NFX1: variants seen among roughly 807,000 people sequenced by gnomAD.
NFX1 encodes transcriptional repressor NF-X1.
NFX1 carries 69 observed loss-of-function variants against 137.2 expected under a neutral mutation model. The ratio of observed to expected loss-of-function variants is 0.50; its 90% CI spans 0.41 to 0.61. The LOEUF (loss-of-function observed/expected upper bound fraction) is 0.61, where lower values mean the gene tolerates loss of function less well. NFX1 is among the 20% of genes least tolerant of loss of function. The pLI, the probability that NFX1 is intolerant of heterozygous loss-of-function variation, is 0.00. For synonymous variants in NFX1, 495 were observed against 474.1 expected, an observed-to-expected ratio of 1.04 and a Z score of -0.57; for missense variants, 1,167 against 1,391.0, an observed-to-expected ratio of 0.84 and a Z score of 2.56.
At chr9:33,344,711 C>T (rs922715741) in intron 14 of NFX1, among the ~76,000 whole-genome samples, 3 of 151,736 alleles carry the variant, frequency 2.0e-5, no homozygotes, top group African/African-American at 4.8e-5. Flanking sequence ...ACTAAAAATA[C>T]AAAAATTAGC....
chr9:33,329,520 G>A (rs908071397), intron 10 of NFX1, among the ~76,000 whole-genome samples: 2 of 152,148 alleles, frequency 1.3e-5, no homozygotes, highest in African/African-American at 4.8e-5. Flanking sequence ...ACTAGGCTTA[G>A]AGATTACCTC....
intron 19 of NFX1, among the ~76,000 whole-genome samples, chr9:33,358,694 ACT>A (rs1178588766): frequency 9.7e-6 from 1 of 102,650 alleles, no homozygotes; most frequent in Non-Finnish European, 1.8e-5. Flanking sequence ...ACAGAGTCTC[ACT>A]CTGTCTCCCA....
chr9:33,352,627 C>T lies in NFX1; in HGVS notation c.2656-19C>T, dbSNP rs780620519. 35 of 1,611,936 alleles carry T rather than the reference C, an allele frequency of 2.2e-5. No individual in the cohort carries two copies. Among genetic ancestry groups the T allele is most frequent in the Non-Finnish European group, 2.5e-5 (30 of 1,178,140 alleles). ...AGTTCCAGTGTGCTAAAAGTCGTTC[C>T]ATGTTCATCTGACTTCAGGTAGAGC... On this transcript the variant is annotated intron_variant, in intron 16 of 23. Transcript: ENST00000379540.
chr9:33,347,200 G>A, intron 15 of NFX1, 83 bp downstream of exon 15: 1 of 1,085,864 alleles, frequency 9.2e-7, no homozygotes, highest in Non-Finnish European at 1.4e-6. Context: ...CTCATCGTCT[G>A]TCAAAGTAAA....
In NFX1 at chr9:33,370,103, G is replaced by T; in HGVS notation, c.*125G>T. ...ACAGTCTCACATACTGTCTTGTACT[G>T]ACACATCCAAAGCATGAGTGTGTCA... On this transcript the variant is annotated 3_prime_UTR_variant, in exon 24 of 24. Transcript: ENST00000379540. The T allele has an allele frequency of 1.5e-6, 1 of 676,138 alleles. No individual in the cohort carries two copies. The highest frequency in any genetic ancestry group is 2.5e-6 in the Non-Finnish European group (1 of 393,244). The allele number at this position is 676,138 out of a possible 1,614,324, so 41.9% of individuals were successfully genotyped here. A position where few individuals can be genotyped will look rare whatever the true frequency, so the allele number is the denominator to read the frequency against.
At chr9:33,336,250 C>T (rs928733861) in intron 11 of NFX1, among the ~76,000 whole-genome samples, 6 of 152,096 alleles carry the variant, frequency 3.9e-5, no homozygotes, top group African/African-American at 1.4e-4. Flanking sequence ...GAGTCCCACT[C>T]TGTTGCCCAG....
intron 12 of NFX1, among the ~76,000 whole-genome samples, chr9:33,340,216 A>T (rs748704744): frequency 6.6e-6 from 1 of 152,188 alleles, no homozygotes; most frequent in African/African-American, 2.4e-5. Flanking sequence ...AGGCATTTCC[A>T]TACATCTTTT....
intron 9 of NFX1, among the ~76,000 whole-genome samples, chr9:33,322,246 C>T (rs898239462): frequency 6.6e-6 from 1 of 151,596 alleles, no homozygotes; most frequent in Non-Finnish European, 1.5e-5. Context: ...AAGAGCATAC[C>T]TCAAATGAAG....
intron 19 of NFX1, among the ~76,000 whole-genome samples, chr9:33,360,365 A>C (rs1587878382): frequency 6.6e-6 from 1 of 152,332 alleles, no homozygotes; most frequent in South Asian, 2.1e-4. Flanking sequence ...TTTACCTTCC[A>C]GAGTTGTTGT....
intron 15 of NFX1, among the ~76,000 whole-genome samples, chr9:33,351,142 G>A (rs148661958): frequency 1.3e-5 from 2 of 149,662 alleles, no homozygotes; most frequent in East Asian, 4.0e-4. Flanking sequence ...GTGAGACTTC[G>A]TCTCAAAATA....
intron 12 of NFX1, among the ~76,000 whole-genome samples, 194 bp from the exon 13 acceptor site, chr9:33,342,552 T>C (rs1346540921): frequency 1.3e-5 from 2 of 152,250 alleles, no homozygotes; most frequent in African/African-American, 2.4e-5. Context: ...AGTTTCAGTA[T>C]TGATCACCTC....
At position 33,367,508 on chromosome 9, in the gene NFX1, T is replaced by C. The variant is rs1412921817; in HGVS notation, c.3186-7T>C. The C allele has an allele frequency of 1.2e-6, 2 of 1,613,496 alleles. No individual in the cohort carries two copies. Among genetic ancestry groups the C allele is most frequent in the Non-Finnish European group, 1.7e-6 (2 of 1,179,562 alleles). ...TTTTCAATGCTTGGTGTTTTGACTT[T>C]TATCAGGGGGAAGTCCGTTTGTCCT... On this transcript the variant is annotated splice_region_variant and splice_polypyrimidine_tract_variant and intron_variant, in intron 22 of 23. Coordinates refer to ENST00000379540, the MANE Select transcript of NFX1 (RefSeq NM_002504.6).
At chr9:33,306,691 T>G (rs145299899) in intron 4 of NFX1, among the ~76,000 whole-genome samples, 1 of 152,164 alleles carries the variant, frequency 6.6e-6, no homozygotes, top group Non-Finnish European at 1.5e-5. Flanking sequence ...GCAGTGACAT[T>G]GATTATAAAA....
intron 11 of NFX1, 111 bp from the exon 12 acceptor site, chr9:33,338,399 A>ATTGTAT (rs1823092250): frequency 4.1e-6 from 4 of 966,830 alleles, no homozygotes; most frequent in Non-Finnish European, 1.6e-6. Flanking sequence ...CATTATTACA[A>ATTGTAT]TTGTATTATT....
Position 33,367,606 on chromosome 9 carries a change from C to T in NFX1, c.3277C>T (p.His1093Tyr). 6.2e-7 allele frequency: 1 copy of T among 1,613,772 alleles called. No homozygotes were observed. ...TCCACCACCGATTCCTCATCACAGA[C>T]ATCAGTCAGACAAGTAAGATTCTCC... is the stretch of plus-strand genomic sequence containing the variant. Reference protein sequence around the residue: ...RPPPPIPHHRHQSDKNPGSSN... With the variant: ...RPPPPIPHHRYQSDKNPGSSN... Residue 1093 changes from histidine (H) to tyrosine (Y), a missense_variant, in exon 23 of 24, where the codon CAT (histidine) becomes TAT (tyrosine). Transcript: ENST00000379540.
rs199721362 is a variant in NFX1 at position 33,369,893 on chromosome 9, G to A, written c.3291-13G>A. 8 of 1,607,870 alleles carry A rather than the reference G, an allele frequency of 5.0e-6. No individual in the cohort carries two copies. The East Asian group carries it at 1.6e-4, about 31-fold the overall frequency. ...AAGAAGAAAAGACTGATCATTCTTT[G>A]TTTGTTTTTCAGGAATCCTGGGAGC... is the stretch of plus-strand genomic sequence containing the variant. On this transcript the variant is annotated splice_polypyrimidine_tract_variant and intron_variant, in intron 23 of 23. Coordinates refer to ENST00000379540, the MANE Select transcript of NFX1 (RefSeq NM_002504.6).
intron 9 of NFX1, among the ~76,000 whole-genome samples, chr9:33,321,773 G>C (rs1032613842): frequency 2.0e-5 from 3 of 152,022 alleles, no homozygotes; most frequent in Non-Finnish European, 4.4e-5. Context: ...CAGCTACTTG[G>C]GAGGCTGAGG....
intron 5 of NFX1, among the ~76,000 whole-genome samples, chr9:33,310,254 G>A (rs192444274): frequency 6.6e-6 from 1 of 152,136 alleles, no homozygotes; most frequent in East Asian, 1.9e-4. Context: ...ATTAGTCTTG[G>A]CTCTGATTGG....
Position 33,313,915 on chromosome 9 carries a change from A to G in NFX1, c.1588+122A>G, listed in dbSNP as rs1458028326. ...GTCACAAAGACCTTGAGTAGAGAGAACTGGAGATACGATGCTTAGACGGTT... is the reference window on the plus strand; with the variant it reads ...GTCACAAAGACCTTGAGTAGAGAGAGCTGGAGATACGATGCTTAGACGGTT... On this transcript the variant is annotated intron_variant, in intron 7 of 23. Coordinates refer to ENST00000379540, the MANE Select transcript of NFX1 (RefSeq NM_002504.6). 4.5e-6 allele frequency: 4 copies of G among 895,350 alleles called. No individual in the cohort carries two copies. In the Admixed American group the frequency reaches 9.5e-5, roughly 21 times the overall value. 55.5% of individuals were successfully genotyped at this position (895,350 alleles called of 1,614,324 possible).
Sources: gnomAD v4.1 joint callset for allele counts (sites outside exome capture counted in the v4.1 genomes callset) on GRCh38, gnomAD v4.1.1 for gene constraint, MANE v1.5 for transcripts, NCBI Gene and HGNC (gene_info 2026-07-23, HGNC 2026-07-21) for gene names.